FRMD4B: variants seen among roughly 807,000 people sequenced by gnomAD.
FRMD4B encodes FERM domain-containing protein 4B.
In FRMD4B, 74 loss-of-function variants were observed where a neutral mutation model predicts 141.5. The ratio of observed to expected loss-of-function variants is 0.52; its 90% CI spans 0.43 to 0.63. The LOEUF (loss-of-function observed/expected upper bound fraction) is 0.63. FRMD4B is among the 30% of genes least tolerant of loss of function. The probability of loss-of-function intolerance (pLI) is 0.00; values close to 1 mark genes in which losing one functional copy is unlikely to be tolerated. For synonymous variants in FRMD4B, 506 were observed against 467.9 expected, an observed-to-expected ratio of 1.08 and a Z score of -1.05; for missense variants, 1,366 against 1,253.4, an observed-to-expected ratio of 1.09 and a Z score of -1.36.
At chr3:69,189,564 A>G (rs1327774548) in intron 18 of FRMD4B, among the ~76,000 whole-genome samples, 2 of 151,834 alleles carry the variant, frequency 1.3e-5, no homozygotes, top group Non-Finnish European at 2.9e-5. Context: ...TAATTATACA[A>G]CTCTCCGTAA....
chr3:69,382,520 A>G (rs1191156341), intron 1 of FRMD4B, among the ~76,000 whole-genome samples: 1 of 152,290 alleles, frequency 6.6e-6, no homozygotes, highest in East Asian at 1.9e-4. Flanking sequence ...ATTTCTGTTT[A>G]TATATTGCAT....
intron 11 of FRMD4B, among the ~76,000 whole-genome samples, chr3:69,208,302 G>A (rs530871053): frequency 6.6e-5 from 10 of 152,186 alleles, no homozygotes; most frequent in African/African-American, 2.2e-4. Context: ...CACCTCAGGT[G>A]ATCTACCCAC....
At chr3:69,485,616 G>A (rs1050826881) in intron 1 of FRMD4B, among the ~76,000 whole-genome samples, 12 of 152,206 alleles carry the variant, frequency 7.9e-5, no homozygotes, top group East Asian at 1.9e-4. Context: ...CCTGGTTCCC[G>A]CTGGCTCCAT....
intron 1 of FRMD4B, among the ~76,000 whole-genome samples, chr3:69,503,844 C>G (rs1559547901): frequency 6.6e-6 from 1 of 152,128 alleles, no homozygotes; most frequent in Non-Finnish European, 1.5e-5. Context: ...GTAAATTCAC[C>G]CATTACAGCC....
At chr3:69,452,846 ATT>A (rs1399897373) in intron 1 of FRMD4B, among the ~76,000 whole-genome samples, 1 of 152,260 alleles carries the variant, frequency 6.6e-6, no homozygotes, top group Non-Finnish European at 1.5e-5. Context: ...CTGCAGCCAC[ATT>A]AATAAAAGTA....
intron 7 of FRMD4B, among the ~76,000 whole-genome samples, chr3:69,229,607 G>C (rs552698688): frequency 6.6e-6 from 1 of 152,278 alleles, no homozygotes; most frequent in African/African-American, 2.4e-5. Flanking sequence ...AGAAAAATGA[G>C]TTAAACTCTT....
chr3:69,270,605 C>T (rs2093590144), intron 5 of FRMD4B, among the ~76,000 whole-genome samples: 1 of 146,010 alleles, frequency 6.8e-6, no homozygotes, highest in Admixed American at 7.2e-5. Context: ...CTCGCTCTCT[C>T]TCCAGGCTAT....
rs558805657 is a variant in FRMD4B, at chr3:69,219,995, A to G, written c.732-1616T>C. On this transcript the variant is annotated intron_variant, in intron 9 of 22. Transcript: ENST00000398540. ...ACATAGTATTCCATGGTGTGTATAT[A>G]CCATATTTTCTTATCCAGTCTATCA... is the stretch of plus-strand genomic sequence containing the variant. Among the ~76,000 whole-genome samples, 143 of 152,294 alleles carry G rather than the reference A, an allele frequency of 9.4e-4. 1 individual carries two copies. The highest frequency in any genetic ancestry group is 3.1e-3 in the African/African-American group (128 of 41,546).
rs1312512246 is a variant in FRMD4B at position 69,356,167 on chromosome 3, T to C, written c.162+29661A>G. Among the ~76,000 whole-genome samples the C allele has an allele frequency of 2.0e-5, 3 of 152,118 alleles. No homozygotes were observed. In the East Asian group the frequency reaches 6.0e-4, roughly 30 times the overall value. On this transcript the variant is annotated intron_variant, in intron 1 of 22. Transcript: ENST00000398540. ...ATTCAAGACTGACCAATAAAATCAC[T>C]CTACCCCCATGTGATGGTTAATACT...
intron 2 of FRMD4B, among the ~76,000 whole-genome samples, chr3:69,395,940 A>T (rs1704467037): frequency 1.3e-5 from 2 of 152,312 alleles, no homozygotes; most frequent in South Asian, 4.1e-4. Context: ...AGGGACTAGC[A>T]TCAGAGAAAT....
intron 2 of FRMD4B, among the ~76,000 whole-genome samples, chr3:69,425,384 AAG>A (rs1705058820): frequency 6.6e-6 from 1 of 152,234 alleles, no homozygotes; most frequent in South Asian, 2.1e-4. Flanking sequence ...CCCAAAAGTG[AAG>A]AGAGACACTC....
intron 1 of FRMD4B, among the ~76,000 whole-genome samples, chr3:69,353,212 C>T (rs1489580078): frequency 6.6e-6 from 1 of 152,098 alleles, no homozygotes; most frequent in Non-Finnish European, 1.5e-5. Context: ...CAGCCTTTCA[C>T]GACCTTTAAA....
chr3:69,237,378 G>A (rs1181292078), intron 7 of FRMD4B, among the ~76,000 whole-genome samples: 4 of 152,220 alleles, frequency 2.6e-5, no homozygotes, highest in Non-Finnish European at 4.4e-5. Flanking sequence ...ACCAAGTCAG[G>A]TTGCAGCTAT....
intron 21 of FRMD4B, 88 bp from the exon 22 acceptor site, chr3:69,176,744 G>C: frequency 1.2e-6 from 1 of 831,452 alleles, no homozygotes; most frequent in South Asian, 1.6e-5. Context: ...ATTGCAATCA[G>C]CTTTGTCAGA....
chr3:69,295,391 C>T (rs1026684848), intron 4 of FRMD4B, among the ~76,000 whole-genome samples: 4 of 151,798 alleles, frequency 2.6e-5, no homozygotes, highest in Non-Finnish European at 4.4e-5. Flanking sequence ...GCCTGATCAC[C>T]GCTCACTGCA....
intron 7 of FRMD4B, among the ~76,000 whole-genome samples, chr3:69,225,432 T>C (rs1357403784): frequency 1.3e-5 from 2 of 149,362 alleles, no homozygotes; most frequent in Admixed American, 6.8e-5. Flanking sequence ...TCCCAGCACT[T>C]TGGGAGGCCA....
chr3:69,243,039 G>C (rs1372769638), intron 7 of FRMD4B, among the ~76,000 whole-genome samples: 1 of 151,442 alleles, frequency 6.6e-6, no homozygotes, highest in Non-Finnish European at 1.5e-5. Context: ...CTCATTTGTG[G>C]CTGGCAGCTG....
intron 19 of FRMD4B, among the ~76,000 whole-genome samples, chr3:69,184,432 TGACTGCATAGCA>T (rs2092744073): frequency 6.6e-6 from 1 of 152,264 alleles, no homozygotes; most frequent in Non-Finnish European, 1.5e-5. Flanking sequence ...GTTATTTTAA[TGACTGCATAGCA>T]TTTTATTGTA....
At position 69,311,257 on chromosome 3, in the gene FRMD4B, A is replaced by G. The variant is rs763642302; in HGVS notation, c.323+6T>C. 2.2e-6 allele frequency: 3 copies of G among 1,339,500 alleles called. No individual in the cohort carries two copies. In the East Asian group the frequency reaches 6.9e-5, roughly 31 times the overall value. The allele number at this position is 1,339,500 out of a possible 1,614,324, so 83.0% of individuals were successfully genotyped here. A position where few individuals can be genotyped will look rare whatever the true frequency, so the allele number is the denominator to read the frequency against. ...GTAAAGAAACTAAAACTATTAAAGG[A>G]CTTACGTGTCATCTATGAATGTTAT... On this transcript the variant is annotated splice_donor_region_variant and intron_variant, in intron 3 of 22. Transcript: ENST00000398540.
Sources: allele counts gnomAD v4.1 joint callset (sites outside exome capture counted in the v4.1 genomes callset), GRCh38; gene constraint gnomAD v4.1.1; transcripts MANE v1.5; gene names NCBI Gene and HGNC (gene_info 2026-07-23, HGNC 2026-07-21).